Variants in MTF2 observed in about 807,000 individuals in gnomAD.
MTF2 encodes the protein metal response element binding transcription factor 2.
MTF2 carries 11 observed loss-of-function variants against 79.5 expected under a neutral mutation model. The observed-to-expected ratio is 0.14, with a 90% CI of 0.09 to 0.23. MTF2 has a LOEUF of 0.23. MTF2 is among the 10% of genes least tolerant of loss of function. The pLI is 1.00. For missense variants in MTF2, 486 were observed against 711.2 expected (o/e 0.68, Z 3.60); for synonymous variants, 208 against 232.8 (o/e 0.89, Z 0.97).
chr1:93,109,784 G>A (rs1655958317), intron 1 of MTF2, among the ~76,000 whole-genome samples: 1 of 152,152 alleles, frequency 6.6e-6, no homozygotes, highest in African/African-American at 2.4e-5. Context: ...TGTGAAGAGT[G>A]TGAATAACAC....
At chr1:93,121,942 C>CA (rs1167181846) in intron 9 of MTF2, 1 of 183,384 alleles carries the variant, frequency 5.5e-6, no homozygotes. Flanking sequence ...GCTGGGATTA[C>CA]AGGCACCTGC....
intron 1 of MTF2, among the ~76,000 whole-genome samples, chr1:93,097,325 A>G (rs1025657829): frequency 6.6e-6 from 1 of 152,116 alleles, no homozygotes; most frequent in Non-Finnish European, 1.5e-5. Context: ...ACTTGTTACT[A>G]CTTTCCTTCT....
chr1:93,138,684 T>C lies in MTF2; in HGVS notation c.*1657T>C, dbSNP rs557656878. 61 of 152,372 alleles carry C rather than the reference T, an allele frequency of 4.0e-4. No individual in the cohort carries two copies. The highest frequency in any genetic ancestry group is 1.4e-3 in the African/African-American group (60 of 41,586). 9.4% of individuals were successfully genotyped at this position (152,372 alleles called of 1,614,324 possible). ...CCTCCACCAAAACTTGATTTTCCCC[T>C]AGCTATTAATTTAAGGTTGCCTTTC... On this transcript the variant is annotated 3_prime_UTR_variant, in exon 15 of 15. Transcript: ENST00000370298.
At chr1:93,097,527 T>C (rs897710876) in intron 1 of MTF2, among the ~76,000 whole-genome samples, 3 of 152,316 alleles carry the variant, frequency 2.0e-5, no homozygotes, top group Non-Finnish European at 2.9e-5. Flanking sequence ...GTATGAAAAC[T>C]AGGTTACTTA....
At chr1:93,088,385 T>C (rs561987862) in intron 1 of MTF2, among the ~76,000 whole-genome samples, 2 of 152,294 alleles carry the variant, frequency 1.3e-5, no homozygotes, top group South Asian at 2.1e-4. Flanking sequence ...TGAGATAATA[T>C]AATCAAGGAT....
chr1:93,118,353 T>C lies in MTF2; in HGVS notation c.641T>C (p.Leu214Ser), dbSNP rs934201351. ...CYCGGPGDWY[L>S]KMLQCCKCKQ... The stretch of plus-strand genomic sequence containing the variant: ...TTTGTTTTTTTTAATAGCTGGTATT[T>C]GAAGATGCTACAGTGCTGCAAATGT... The change falls in exon 7 of 15, where the codon TTG becomes TCG. Residue 214 changes from leucine to serine, a missense_variant. By Grantham distance (145) the Leu-to-Ser change is moderately radical. Around this residue, in one of 4 missense-constraint regions of MTF2, gnomAD observed 177 missense variants for 364.0 expected, o/e 0.49. Transcript: ENST00000370298. 7 of 1,572,218 alleles carry C rather than the reference T, an allele frequency of 4.5e-6. No homozygotes were observed. Among genetic ancestry groups the C allele is most frequent in the Non-Finnish European group, 5.2e-6 (6 of 1,159,682 alleles).
chr1:93,100,170 C>G (rs1356148445), intron 1 of MTF2, among the ~76,000 whole-genome samples: 1 of 152,112 alleles, frequency 6.6e-6, no homozygotes, highest in African/African-American at 2.4e-5. Flanking sequence ...AAAAAAAACC[C>G]ACTTGCCTCT....
intron 3 of MTF2, among the ~76,000 whole-genome samples, chr1:93,113,216 CAAA>C (rs34291057): frequency 9.3e-6 from 1 of 106,998 alleles, no homozygotes. Flanking sequence ...CCTGTCGCTA[CAAA>C]AAAAAAAAAA....
chr1:93,118,146 G>A (rs576985628), intron 6 of MTF2, among the ~76,000 whole-genome samples, 199 bp from the exon 7 acceptor site: 11 of 152,196 alleles, frequency 7.2e-5, no homozygotes, highest in African/African-American at 2.4e-4. Context: ...ATGAATAAAA[G>A]AGAGAAGAGG....
chr1:93,101,043 A>G (rs1655508894), intron 1 of MTF2, among the ~76,000 whole-genome samples: 1 of 152,218 alleles, frequency 6.6e-6, no homozygotes, highest in African/African-American at 2.4e-5. Context: ...AAGAATTGAG[A>G]TAGTTCTTTA....
chr1:93,117,135 T>C (rs1402026411), intron 6 of MTF2, among the ~76,000 whole-genome samples: 1 of 152,222 alleles, frequency 6.6e-6, no homozygotes, highest in Non-Finnish European at 1.5e-5. Context: ...TGAATCAAGG[T>C]ATAGCTCTGT....
chr1:93,095,759 G>T (rs1208146932), intron 1 of MTF2, among the ~76,000 whole-genome samples: 1 of 150,336 alleles, frequency 6.7e-6, no homozygotes, highest in South Asian at 2.1e-4. Context: ...AAGTTTAAAC[G>T]ATTCTTCTGC....
intron 9 of MTF2, among the ~76,000 whole-genome samples, chr1:93,125,886 C>T (rs1656676182): frequency 6.6e-6 from 1 of 152,026 alleles, no homozygotes; most frequent in Non-Finnish European, 1.5e-5. Context: ...AAGATTTTGC[C>T]TACTTATGGA....
At chr1:93,079,639 G>A in intron 1 of MTF2, 108 bp downstream of exon 1, 5 of 1,398,868 alleles carry the variant, frequency 3.6e-6, no homozygotes, top group Middle Eastern at 3.5e-4. Context: ...ACCAAGGTGG[G>A]GGTGGGGGCT....
chr1:93,126,241 A>C (rs1656692733), intron 9 of MTF2, among the ~76,000 whole-genome samples: 1 of 151,944 alleles, frequency 6.6e-6, no homozygotes, highest in Non-Finnish European at 1.5e-5. Flanking sequence ...ACTTGAGTTC[A>C]GGTTCTAGCT....
At chr1:93,083,668 C>T (rs1311277800) in intron 1 of MTF2, among the ~76,000 whole-genome samples, 1 of 152,192 alleles carries the variant, frequency 6.6e-6, no homozygotes, top group East Asian at 1.9e-4. Context: ...CTGTGCCATT[C>T]TACAAGCTCA....
chr1:93,101,678 C>T (rs1359549142), intron 1 of MTF2, among the ~76,000 whole-genome samples: 7 of 149,714 alleles, frequency 4.7e-5, no homozygotes, highest in Admixed American at 1.3e-4. Context: ...CCCAGGCTCA[C>T]GCAATTCTCC....
chr1:93,114,426 G>C (rs975975545), intron 3 of MTF2, among the ~76,000 whole-genome samples: 2 of 152,184 alleles, frequency 1.3e-5, no homozygotes, highest in Non-Finnish European at 2.9e-5. Context: ...TGAGAAATGA[G>C]TAATAAGGGA....
At chr1:93,084,205 G>A (rs1189702000) in intron 1 of MTF2, among the ~76,000 whole-genome samples, 1 of 151,980 alleles carries the variant, frequency 6.6e-6, no homozygotes, top group Non-Finnish European at 1.5e-5. Context: ...TGTTTTGCAT[G>A]TGGATACCAG....
Sources: gnomAD v4.1 joint callset for allele counts (sites outside exome capture counted in the v4.1 genomes callset) on GRCh38, gnomAD v4.1.1 for gene constraint, gnomAD v4.1.1 regional missense constraint, MANE v1.5 for transcripts, NCBI Gene and HGNC (gene_info 2026-07-23, HGNC 2026-07-21) for gene names.